PHF12: variants seen among roughly 807,000 people sequenced by gnomAD.
PHF12 encodes PHD finger protein 12, also known as PHD factor 1.
A neutral mutation model predicts 99.8 loss-of-function variants in PHF12; 6 were observed. The ratio of observed to expected loss-of-function variants is 0.06; its 90% CI spans 0.03 to 0.12. The LOEUF is 0.12. Ranked by LOEUF, PHF12 falls within the 10% of genes least tolerant of loss-of-function variation. The probability of loss-of-function intolerance (pLI) is 1.00; values close to 1 mark genes in which losing one functional copy is unlikely to be tolerated. For missense variants in PHF12, 954 were observed against 1,300.1 expected (o/e 0.73, Z 4.09); for synonymous variants, 480 against 514.9 (o/e 0.93, Z 0.92).
chr17:28,951,052 G>A lies in PHF12; in HGVS notation c.-92C>T. 1.3e-6 allele frequency: 2 copies of A among 1,588,658 alleles called. No individual in the cohort carries two copies. The highest frequency in any genetic ancestry group is 3.5e-5 in the Admixed American group (2 of 57,472). The stretch of plus-strand genomic sequence containing the variant: ...GAGGGGAGGGGGCGCTCCTGACCCC[G>A]GCCCCGCTTTTTTCCCAATACGGGT... On this transcript the variant is annotated 5_prime_UTR_variant, in exon 1 of 15. Coordinates refer to ENST00000332830, the MANE Select transcript of PHF12 (RefSeq NM_001033561.2).
chr17:28,925,540 G>C (rs1416774069), intron 3 of PHF12: 3 of 152,252 alleles, frequency 2.0e-5, no homozygotes, highest in South Asian at 2.1e-4. Flanking sequence ...CCATGTGAAA[G>C]GTAAGAGAGG....
chr17:28,923,822 A>G (rs2040214912), intron 4 of PHF12, 87 bp downstream of exon 4: 2 of 1,440,894 alleles, frequency 1.4e-6, no homozygotes, highest in Admixed American at 5.1e-5. Flanking sequence ...AGCTACATGA[A>G]CAGTGACTCC....
chr17:28,939,860 T>C (rs570141143), intron 2 of PHF12, among the ~76,000 whole-genome samples: 1 of 152,344 alleles, frequency 6.6e-6, no homozygotes, highest in East Asian at 1.9e-4. Context: ...GGAGGTAAAG[T>C]GATGTCTTTG....
intron 2 of PHF12, chr17:28,927,734 T>C (rs574568511): frequency 6.6e-6 from 1 of 152,464 alleles, no homozygotes; most frequent in East Asian, 1.9e-4. Flanking sequence ...TTCTATTTTT[T>C]AAGAAATATG....
At chr17:28,932,883 T>C (rs2040439259) in intron 2 of PHF12, among the ~76,000 whole-genome samples, 1 of 152,070 alleles carries the variant, frequency 6.6e-6, no homozygotes, top group Non-Finnish European at 1.5e-5. Context: ...GAGGTGGAGG[T>C]TGCAGTGAGC....
chr17:28,907,208 C>T (rs2039886565), intron 13 of PHF12: 1 of 560,780 alleles, frequency 1.8e-6, no homozygotes, highest in South Asian at 2.5e-5. Flanking sequence ...TCTCCCACTC[C>T]TTCACTCTGC....
At chr17:28,923,132 T>TTAA (rs1343029326) in intron 4 of PHF12, among the ~76,000 whole-genome samples, 1 of 152,104 alleles carries the variant, frequency 6.6e-6, no homozygotes, top group Non-Finnish European at 1.5e-5. Flanking sequence ...GTAGAATGGT[T>TTAA]TAACTAGCAT....
chr17:28,950,715 C>T lies in PHF12; in HGVS notation c.66+180G>A. 3.5e-6 allele frequency: 3 copies of T among 868,592 alleles called. No homozygotes were observed. The highest frequency in any genetic ancestry group is 2.4e-5 in the South Asian group (1 of 42,286). 53.8% of individuals were successfully genotyped at this position (868,592 alleles called of 1,614,324 possible). On this transcript the variant is annotated intron_variant, in intron 1 of 14. Transcript: ENST00000332830. This position sits in a 1 kb window ranked among gnomAD's most constrained non-coding sequence, Gnocchi z 5.7. ...GGCGGGTAGGTGAAACTGCTGCAAACGTCCTCGGAGGCTGAGCTCAGCCCC... is the reference window on the plus strand; with the variant it reads ...GGCGGGTAGGTGAAACTGCTGCAAATGTCCTCGGAGGCTGAGCTCAGCCCC...
At chr17:28,941,018 C>G (rs2040603696) in intron 2 of PHF12, among the ~76,000 whole-genome samples, 2 of 150,268 alleles carry the variant, frequency 1.3e-5, no homozygotes, top group Admixed American at 1.3e-4. Context: ...AGGAGGAGCC[C>G]AGTGGAGGGG....
chr17:28,951,372 CTG>C lies in PHF12; in HGVS notation c.-414_-413del. 1.0e-6 allele frequency: 1 copy of C among 986,790 alleles called. No individual in the cohort carries two copies. Among genetic ancestry groups the C allele is most frequent in the Non-Finnish European group, 1.2e-6 (1 of 832,502 alleles). 61.1% of individuals were successfully genotyped at this position (986,790 alleles called of 1,614,324 possible). A position where few individuals can be genotyped will look rare whatever the true frequency, so the allele number is the denominator to read the frequency against. Reference sequence around the variant, plus strand: ...CGTGAGGTTGTGGTACGTGAGGTGACTGGGGGGAGGGTGATGGGGGGTGGTCC... The same window carrying C: ...CGTGAGGTTGTGGTACGTGAGGTGACGGGGGAGGGTGATGGGGGGTGGTCC... On this transcript the variant is annotated 5_prime_UTR_variant, in exon 1 of 15. Transcript: ENST00000332830.
chr17:28,938,674 C>T (rs2040555245), intron 2 of PHF12, among the ~76,000 whole-genome samples: 1 of 152,082 alleles, frequency 6.6e-6, no homozygotes, highest in Non-Finnish European at 1.5e-5. Context: ...ATTATACCCC[C>T]CTACTTTTAC....
In PHF12 at chr17:28,950,419, A is replaced by C. The variant is rs1437394076; in HGVS notation, c.67-173T>G. On this transcript the variant is annotated intron_variant, in intron 1 of 14. Coordinates refer to ENST00000332830, the MANE Select transcript of PHF12 (RefSeq NM_001033561.2). This position sits in a 1 kb window ranked among gnomAD's most constrained non-coding sequence, Gnocchi z 5.7. ...CCCGGAACCAGGGGGAGCCCACCCT[A>C]ACCGCGTTCCTGCAGCACAACAACG... 1.5e-6 allele frequency: 1 copy of C among 666,060 alleles called. No homozygotes were observed. Among genetic ancestry groups the C allele is most frequent in the Non-Finnish European group, 2.5e-6 (1 of 399,876 alleles). 41.3% of individuals were successfully genotyped at this position (666,060 alleles called of 1,614,324 possible). A position where few individuals can be genotyped will look rare whatever the true frequency, so the allele number is the denominator to read the frequency against.
Position 28,951,249 on chromosome 17 carries a change from A to G in PHF12, c.-289T>C. 7.9e-7 allele frequency: 1 copy of G among 1,257,910 alleles called. No homozygotes were observed. Among genetic ancestry groups the G allele is most frequent in the Non-Finnish European group, 1.0e-6 (1 of 996,384 alleles). 77.9% of individuals were successfully genotyped at this position (1,257,910 alleles called of 1,614,324 possible). ...AGGCCTCGGCGGGGCCTAGTCCCACAGGCTAAAGCCGGCACTGGCGACAGC... is the reference window on the plus strand; with the variant it reads ...AGGCCTCGGCGGGGCCTAGTCCCACGGGCTAAAGCCGGCACTGGCGACAGC... On this transcript the variant is annotated 5_prime_UTR_variant, in exon 1 of 15. Transcript: ENST00000332830.
chr17:28,913,299 G>A lies in PHF12; in HGVS notation c.1294-22C>T, dbSNP rs372779781. 3.8e-6 allele frequency: 6 copies of A among 1,580,714 alleles called. No individual in the cohort carries two copies. The Admixed American group carries it at 8.7e-5, about 23-fold the overall frequency. On this transcript the variant is annotated intron_variant, in intron 8 of 14. Coordinates refer to ENST00000332830, the MANE Select transcript of PHF12 (RefSeq NM_001033561.2). ...GCCACTGCAATGGAAGGAGAGGAGA[G>A]GGGGGTGAGAAGCCTGAGAGGCGCC...
chr17:28,924,271 A>G lies in PHF12; in HGVS notation c.353T>C (p.Val118Ala), dbSNP rs1421892282. 6.2e-7 allele frequency: 1 copy of G among 1,614,092 alleles called. No homozygotes were observed. The highest frequency in any genetic ancestry group is 1.7e-5 in the Admixed American group (1 of 60,008). ...KREQKKELGH[V>A]NGLVDKSGKR... ...GCCAGATTTGTCCACCAGTCCATTG[A>G]CATGACCCAGCTCCTTTTTCTGCTC... Residue 118 changes from valine (V) to alanine (A), a missense_variant, in exon 4 of 15, where the codon GTC becomes GCC. By Grantham distance (64) the Val-to-Ala change is moderately conservative. Transcript: ENST00000332830.
intron 11 of PHF12, 130 bp downstream of exon 11, chr17:28,910,096 T>A (rs761600687): frequency 7.4e-7 from 1 of 1,357,730 alleles, no homozygotes. Context: ...TGGTGCTTTA[T>A]TAAGCCCATG....
chr17:28,909,726 G>A (rs575188478), intron 11 of PHF12: 1 of 272,190 alleles, frequency 3.7e-6, no homozygotes, highest in Admixed American at 4.9e-5. Context: ...AAGCAGCTGG[G>A]ATTACAGGTG....
chr17:28,907,487 C>T, intron 13 of PHF12, 103 bp downstream of exon 13: 1 of 1,150,538 alleles, frequency 8.7e-7, no homozygotes, highest in Non-Finnish European at 1.3e-6. Context: ...AGAGAGGACC[C>T]CCAATCCCTC....
At chr17:28,943,818 A>G (rs1278427008) in intron 2 of PHF12, among the ~76,000 whole-genome samples, 1 of 152,244 alleles carries the variant, frequency 6.6e-6, no homozygotes, top group Non-Finnish European at 1.5e-5. Context: ...AAAGCAATGT[A>G]AGTATTGATA....
Sources: allele counts gnomAD v4.1 joint callset (sites outside exome capture counted in the v4.1 genomes callset), GRCh38; gene constraint gnomAD v4.1.1; non-coding constraint Gnocchi (gnomAD v3.1); transcripts MANE v1.5; gene names NCBI Gene and HGNC (gene_info 2026-07-23, HGNC 2026-07-21).